SRPK2: variants seen among roughly 807,000 people sequenced by gnomAD.
SRPK2 encodes SFRS protein kinase 2.
SRPK2 carries 21 observed loss-of-function variants against 90.8 expected under a neutral mutation model. The ratio of observed to expected loss-of-function variants is 0.23; its 90% CI spans 0.16 to 0.33. The LOEUF is 0.33. Ranked by LOEUF, SRPK2 falls within the 10% of genes least tolerant of loss-of-function variation. SRPK2 has a pLI of 1.00. For synonymous variants in SRPK2, 288 were observed against 311.1 expected, an observed-to-expected ratio of 0.93 and a Z score of 0.78; for missense variants, 620 against 869.0, an observed-to-expected ratio of 0.71 and a Z score of 3.60.
chr7:105,313,056 G>T (rs1357246292), intron 2 of SRPK2, among the ~76,000 whole-genome samples: 1 of 152,074 alleles, frequency 6.6e-6, no homozygotes, highest in Admixed American at 6.5e-5. Flanking sequence ...TGGTCAGTGG[G>T]CAATAACATC....
chr7:105,213,930 T>C (rs899175148), intron 2 of SRPK2, among the ~76,000 whole-genome samples: 4 of 152,184 alleles, frequency 2.6e-5, no homozygotes, highest in Non-Finnish European at 4.4e-5. Flanking sequence ...TAATATATAA[T>C]GGATCAACAA....
At chr7:105,290,720 T>C (rs577617227) in intron 2 of SRPK2, among the ~76,000 whole-genome samples, 1 of 152,056 alleles carries the variant, frequency 6.6e-6, no homozygotes, top group African/African-American at 2.4e-5. Flanking sequence ...CTACCAGCTA[T>C]GAAATTTAGA....
At chr7:105,279,110 A>G (rs1170422667) in intron 2 of SRPK2, among the ~76,000 whole-genome samples, 1 of 151,052 alleles carries the variant, frequency 6.6e-6, no homozygotes, top group Non-Finnish European at 1.5e-5. Context: ...CCCTGCTGCA[A>G]TTCCAAAGCA....
intron 2 of SRPK2, among the ~76,000 whole-genome samples, chr7:105,230,728 T>C (rs1799321972): frequency 6.6e-6 from 1 of 152,212 alleles, no homozygotes; most frequent in South Asian, 2.1e-4. Context: ...GCAATATGCA[T>C]GAAAAATCTT....
At chr7:105,135,155 G>T (rs1439402089) in intron 11 of SRPK2, among the ~76,000 whole-genome samples, 1 of 152,146 alleles carries the variant, frequency 6.6e-6, no homozygotes, top group Non-Finnish European at 1.5e-5. Context: ...TCAGCAAGAA[G>T]GAAAATGGAA....
At chr7:105,132,939 C>T (rs1438789451) in intron 12 of SRPK2, 41 bp from the exon 13 acceptor site, 9 of 1,612,920 alleles carry the variant, frequency 5.6e-6, no homozygotes, top group Non-Finnish European at 7.6e-6. Flanking sequence ...GCAACACAGA[C>T]ATTCAAAAAG....
chr7:105,358,413 T>C (rs1031495095), intron 2 of SRPK2, among the ~76,000 whole-genome samples: 2 of 151,336 alleles, frequency 1.3e-5, no homozygotes, highest in Non-Finnish European at 3.0e-5. Flanking sequence ...GGGCCATGCA[T>C]GGTGGCTCAC....
chr7:105,236,523 G>A (rs1247409100), intron 2 of SRPK2, among the ~76,000 whole-genome samples: 1 of 151,928 alleles, frequency 6.6e-6, no homozygotes, highest in African/African-American at 2.4e-5. Context: ...ACTGTGAAGG[G>A]GGAAAATAGG....
At chr7:105,279,115 A>G (rs1806918944) in intron 2 of SRPK2, among the ~76,000 whole-genome samples, 1 of 152,092 alleles carries the variant, frequency 6.6e-6, no homozygotes, top group African/African-American at 2.4e-5. Context: ...CTGCAATTCC[A>G]AAGCAAGATC....
chr7:105,192,280 C>T (rs1202133164), intron 3 of SRPK2, among the ~76,000 whole-genome samples: 5 of 152,146 alleles, frequency 3.3e-5, no homozygotes, highest in African/African-American at 7.2e-5. Flanking sequence ...CATAGCTTAG[C>T]TCCCACTTAT....
chr7:105,340,820 A>C (rs1187603401), intron 2 of SRPK2, among the ~76,000 whole-genome samples: 1 of 152,216 alleles, frequency 6.6e-6, no homozygotes, highest in Non-Finnish European at 1.5e-5. Context: ...ATAACATTCA[A>C]GCTTTCAAGA....
chr7:105,159,464 A>AAAAAAAAAAAAAAAAAAAAAAAC (rs1807168874), intron 7 of SRPK2, among the ~76,000 whole-genome samples: 3 of 141,592 alleles, frequency 2.1e-5, no homozygotes, highest in African/African-American at 8.8e-5. Context: ...AAAAAAAAAA[A>AAAAAAAAAAAAAAAAAAAAAAAC]AAAAAAAAAC....
At chr7:105,380,438 A>G (rs1366280771) in intron 2 of SRPK2, among the ~76,000 whole-genome samples, 1 of 152,150 alleles carries the variant, frequency 6.6e-6, no homozygotes, top group African/African-American at 2.4e-5. Context: ...CTAGGACTCA[A>G]TTTTTGAAAA....
At chr7:105,347,493 C>A (rs1407632751) in intron 2 of SRPK2, among the ~76,000 whole-genome samples, 2 of 152,082 alleles carry the variant, frequency 1.3e-5, no homozygotes, top group Admixed American at 6.6e-5. Flanking sequence ...TGACCACAGA[C>A]TGGCTTATAA....
chr7:105,298,452 T>C (rs1810128792), intron 2 of SRPK2, among the ~76,000 whole-genome samples: 1 of 152,218 alleles, frequency 6.6e-6, no homozygotes, highest in South Asian at 2.1e-4. Context: ...AGCAGTTACA[T>C]ATAGGTTTTT....
chr7:105,286,836 T>A (rs1032638817), intron 2 of SRPK2, among the ~76,000 whole-genome samples: 4 of 152,210 alleles, frequency 2.6e-5, no homozygotes, highest in Non-Finnish European at 4.4e-5. Context: ...AAATCTACCC[T>A]AGAAAGACAT....
intron 3 of SRPK2, among the ~76,000 whole-genome samples, chr7:105,178,224 A>T (rs188328842): frequency 3.9e-4 from 60 of 152,176 alleles, no homozygotes; most frequent in Middle Eastern, 3.4e-3. Flanking sequence ...AATAATAATA[A>T]TACTAAATAT....
chr7:105,324,361 C>T (rs1398823702), intron 2 of SRPK2, among the ~76,000 whole-genome samples: 1 of 151,550 alleles, frequency 6.6e-6, no homozygotes, highest in Admixed American at 6.6e-5. Context: ...CTCGCCCTGT[C>T]GCCCAGGCTG....
At chr7:105,291,501 G>A (rs565253020) in intron 2 of SRPK2, among the ~76,000 whole-genome samples, 1 of 152,068 alleles carries the variant, frequency 6.6e-6, no homozygotes, top group Admixed American at 6.5e-5. Flanking sequence ...GGCCGAGGCA[G>A]GTGGATCACT....
Sources: allele counts gnomAD v4.1 joint callset (sites outside exome capture counted in the v4.1 genomes callset), GRCh38; gene constraint gnomAD v4.1.1; transcripts MANE v1.5; gene names NCBI Gene and HGNC (gene_info 2026-07-23, HGNC 2026-07-21).